The following SMTNL2 variants were observed in gnomAD, a reference collection of about 807,000 sequenced individuals.
The protein encoded by SMTNL2 is smoothelin like 2, also known as smoothelin-like protein 2.
Under a neutral mutation model 44.1 loss-of-function variants are expected in SMTNL2, and 43 were observed. That is an observed-to-expected ratio of 0.98 (90% confidence interval 0.76 to 1.26). The LOEUF (loss-of-function observed/expected upper bound fraction) is 1.26, where lower values mean the gene tolerates loss of function less well. SMTNL2 is among the 50% of genes most tolerant of loss of function. The pLI is 0.00. For synonymous variants in SMTNL2, 317 were observed against 287.6 expected, an observed-to-expected ratio of 1.10 and a Z score of -1.03; for missense variants, 646 against 670.2, an observed-to-expected ratio of 0.96 and a Z score of 0.40.
At position 4,593,097 on chromosome 17, in the gene SMTNL2, T is replaced by C. The variant is rs1299781321; in HGVS notation, c.656T>C (p.Met219Thr). 2 of 1,613,736 alleles carry C rather than the reference T, an allele frequency of 1.2e-6. No individual in the cohort carries two copies. ...ACCTCAGCTGCGGCTCTATCACCCA[T>C]GTCTGCTGCCACCCTGGGGGGCCTC... is the stretch of plus-strand genomic sequence containing the variant. ...GETSAAALSP[M>T]SAATLGGLNP... Residue 219 changes from methionine to threonine, a missense_variant, in exon 3 of 8, where the codon ATG (methionine) becomes ACG (threonine). Met to Thr is a moderately conservative substitution (Grantham distance 81). Transcript: ENST00000389313.
At chr17:4,606,630 C>T (rs866210129) in intron 7 of SMTNL2, among the ~76,000 whole-genome samples, 1 of 151,172 alleles carries the variant, frequency 6.6e-6, no homozygotes, top group South Asian at 2.1e-4. Context: ...CTGGGCCGGG[C>T]GTGGTGTCTC....
chr17:4,605,800 C>T (rs1477633073), intron 7 of SMTNL2, among the ~76,000 whole-genome samples: 1 of 151,450 alleles, frequency 6.6e-6, no homozygotes, highest in Non-Finnish European at 1.5e-5. Context: ...TAATGTCAGG[C>T]CGGCTCCATC....
At chr17:4,606,876 C>T (rs1910299812) in intron 7 of SMTNL2, among the ~76,000 whole-genome samples, 1 of 152,102 alleles carries the variant, frequency 6.6e-6, no homozygotes, top group Admixed American at 6.6e-5. Context: ...TGCCACTGCG[C>T]TCCAGCCTGG....
chr17:4,604,420 G>A (rs573436715), intron 7 of SMTNL2, among the ~76,000 whole-genome samples: 5 of 152,318 alleles, frequency 3.3e-5, no homozygotes, highest in South Asian at 4.1e-4. Flanking sequence ...GAGGCCTGGC[G>A]TCCAGCCAGC....
Position 4,597,620 on chromosome 17 carries a change from C to G in SMTNL2, c.1259+297C>G, listed in dbSNP as rs564453822. Reference sequence around the variant, plus strand: ...GCACTCTGGGAGACCAGCCACAGACCAGGCATGAAGGGCAGCAGGACAGGG... The same window carrying G: ...GCACTCTGGGAGACCAGCCACAGACGAGGCATGAAGGGCAGCAGGACAGGG... On this transcript the variant is annotated intron_variant, in intron 7 of 7. Transcript: ENST00000389313. 7.9e-5 allele frequency among the ~76,000 whole-genome samples: 12 copies of G among 152,252 alleles called. No homozygotes were observed. The East Asian group carries it at 2.3e-3, about 29-fold the overall frequency.
In SMTNL2 at chr17:4,607,416, C is replaced by T. The variant is rs1420600438; in HGVS notation, c.1315C>T (p.Arg439Cys). ...IEVEDMMVMGRKPDPMCVFTY... is the reference protein window; with the variant it reads ...IEVEDMMVMGCKPDPMCVFTY... ...AGTGGAGGACATGATGGTGATGGGC[C>T]GCAAGCCGGACCCCATGTGTGTCTT... The change falls in exon 8 of 8, where the codon CGC becomes TGC. Residue 439 changes from arginine (R) to cysteine (C), a missense_variant. Physicochemically the swap from Arg to Cys is radical, Grantham distance 180. Transcript: ENST00000389313. The surrounding 1 kb of genome is among the most constrained non-coding windows in gnomAD (Gnocchi z 4.7). 2.5e-6 allele frequency: 4 copies of T among 1,614,048 alleles called. No homozygotes were observed. The highest frequency in any genetic ancestry group is 2.7e-5 in the African/African-American group (2 of 74,888).
chr17:4,596,470 C>T (rs1240386658), intron 5 of SMTNL2, among the ~76,000 whole-genome samples: 2 of 152,298 alleles, frequency 1.3e-5, no homozygotes, highest in Admixed American at 1.3e-4. Flanking sequence ...GAGGGGAGCT[C>T]AGAAGGAGGA....
At chr17:4,597,042 CT>C (rs1597414642) in intron 6 of SMTNL2, 65 bp downstream of exon 6, 5 of 1,487,212 alleles carry the variant, frequency 3.4e-6, no homozygotes, top group African/African-American at 1.4e-5. Flanking sequence ...AGCGTCGCCC[CT>C]GTCCTTGTTC....
At position 4,593,871 on chromosome 17, in the gene SMTNL2, A is replaced by G. The variant is rs1284990599; in HGVS notation, c.780A>G (p.Ala260=). 1 of 1,614,028 alleles carries G rather than the reference A, an allele frequency of 6.2e-7. No individual in the cohort carries two copies. The highest frequency in any genetic ancestry group is 8.5e-7 in the Non-Finnish European group (1 of 1,179,978). The part of the protein sequence containing the change: ...TWSVPSSGYG[A]VTASKHSNSP... ...CTGTGCCAAGCTCTGGCTATGGGGC[A>G]GTGACAGCAAGCAAACACAGCAATA... The change falls in exon 4 of 8, where the codon GCA becomes GCG. Residue 260 remains alanine, a synonymous_variant. Transcript: ENST00000389313.
intron 7 of SMTNL2, among the ~76,000 whole-genome samples, chr17:4,599,024 C>T (rs958520493): frequency 6.6e-6 from 1 of 152,168 alleles, no homozygotes; most frequent in Non-Finnish European, 1.5e-5. Context: ...GTAACCTGCA[C>T]TTGGTATTGT....
chr17:4,586,940 A>ACGCTGTCCC lies in SMTNL2; in HGVS notation c.399+1936_399+1937insCGCTGTCCC, dbSNP rs1468304888. Among the ~76,000 whole-genome samples the ACGCTGTCCC allele has an allele frequency of 4.8e-4, 73 of 152,242 alleles. No individual in the cohort carries two copies. The East Asian group carries it at 0.014, about 29-fold the overall frequency. Reference sequence around the variant, plus strand: ...GAGGGGACTATGGGAACTCCAGGTGAAGCTGTCCCAGAGCAGGTGGATTCA... The same window carrying ACGCTGTCCC: ...GAGGGGACTATGGGAACTCCAGGTGACGCTGTCCCAGCTGTCCCAGAGCAGGTGGATTCA... On this transcript the variant is annotated intron_variant, in intron 1 of 7. Transcript: ENST00000389313.
intron 5 of SMTNL2, among the ~76,000 whole-genome samples, chr17:4,596,554 CT>C (rs1422564382): frequency 6.6e-6 from 1 of 152,238 alleles, no homozygotes; most frequent in Non-Finnish European, 1.5e-5. Context: ...CCAAGGTCTT[CT>C]GTCTCAGGAT....
rs369073599 is a variant in SMTNL2, at chr17:4,592,979, C to T, written c.538C>T (p.Pro180Ser). 2 of 1,613,918 alleles carry T rather than the reference C, an allele frequency of 1.2e-6. No homozygotes were observed. Among genetic ancestry groups the T allele is most frequent in the South Asian group, 1.1e-5 (1 of 91,078 alleles). The change falls in exon 3 of 8, where the codon CCC (proline) becomes TCC (serine). Residue 180 changes from proline (P) to serine (S), a missense_variant. Physicochemically the swap from Pro to Ser is moderately conservative, Grantham distance 74. Transcript: ENST00000389313. This position sits in a 1 kb window ranked among gnomAD's most constrained non-coding sequence, Gnocchi z 4.5. ...EIAQNFSAPD[P>S]PRPRPVSLSL... The stretch of plus-strand genomic sequence containing the variant: ...TGCCCAAAACTTCTCAGCACCAGAT[C>T]CCCCCAGGCCTCGTCCTGTGAGCCT...
chr17:4,590,404 C>T (rs1567632314), intron 1 of SMTNL2, among the ~76,000 whole-genome samples: 1 of 152,126 alleles, frequency 6.6e-6, no homozygotes, highest in Non-Finnish European at 1.5e-5. Flanking sequence ...GGGCCTCATC[C>T]CAGGGCCCCT....
chr17:4,587,325 C>T (rs1373338280), intron 1 of SMTNL2, among the ~76,000 whole-genome samples: 3 of 152,196 alleles, frequency 2.0e-5, no homozygotes, highest in East Asian at 1.9e-4. Flanking sequence ...GGCTGACCCC[C>T]GAAGCACCAA....
chr17:4,603,510 C>A (rs1458369877), intron 7 of SMTNL2, among the ~76,000 whole-genome samples: 2 of 152,134 alleles, frequency 1.3e-5, no homozygotes, highest in African/African-American at 4.8e-5. Flanking sequence ...AATTGGGTCC[C>A]CTTTCCCTGG....
In SMTNL2 at chr17:4,600,364, C is replaced by A. The variant is rs1909980520; in HGVS notation, c.1259+3041C>A. 6.6e-6 allele frequency among the ~76,000 whole-genome samples: 1 copy of A among 152,094 alleles called. No individual in the cohort carries two copies. The highest frequency in any genetic ancestry group is 1.5e-5 in the Non-Finnish European group (1 of 67,996). ...GGACCACAGAGCTAAGAAAGGCAGC[C>A]TGGGGGCAGGCAGGGTGGGATGAGA... On this transcript the variant is annotated intron_variant, in intron 7 of 7. Transcript: ENST00000389313. The surrounding 1 kb of genome is among the most constrained non-coding windows in gnomAD (Gnocchi z 4.7).
In SMTNL2 at chr17:4,596,881, C is replaced by A. The variant is rs1162126947; in HGVS notation, c.1011C>A (p.Ala337=). ...AAGKGKGEAR[A]RLKRSQSFGV... ...GCAGGGGGAAAGGCGAGGCCCGGGCCAGGCTGAAGCGGTCGCAGAGCTTCG... is the reference window on the plus strand; with the variant it reads ...GCAGGGGGAAAGGCGAGGCCCGGGCAAGGCTGAAGCGGTCGCAGAGCTTCG... Residue 337 remains alanine (A), a synonymous_variant, in exon 6 of 8, where the codon GCC becomes GCA. Transcript: ENST00000389313. The A allele has an allele frequency of 1.3e-6, 2 of 1,499,712 alleles. No homozygotes were observed. Among genetic ancestry groups the A allele is most frequent in the South Asian group, 2.5e-5 (2 of 80,260 alleles). The allele number at this position is 1,499,712 out of a possible 1,614,324, so 92.9% of individuals were successfully genotyped here.
Position 4,592,439 on chromosome 17 carries a change from C to G in SMTNL2, c.478C>G (p.Pro160Ala), listed in dbSNP as rs570988007. 6.2e-7 allele frequency: 1 copy of G among 1,612,816 alleles called. No individual in the cohort carries two copies. The highest frequency in any genetic ancestry group is 1.1e-5 in the South Asian group (1 of 90,996). The change falls in exon 2 of 8, where the codon CCG becomes GCG. Residue 160 changes from proline to alanine, a missense_variant. Coordinates refer to ENST00000389313, the MANE Select transcript of SMTNL2 (RefSeq NM_001114974.2). The surrounding 1 kb of genome is among the most constrained non-coding windows in gnomAD (Gnocchi z 4.5). ...NSCIMENGHQPGAGPGDGPPE... is the reference protein window; with the variant it reads ...NSCIMENGHQAGAGPGDGPPE... ...CTGCATCATGGAAAATGGGCACCAGCCGGGGGCAGGTAGGGCTGACGGCAG... is the reference window on the plus strand; with the variant it reads ...CTGCATCATGGAAAATGGGCACCAGGCGGGGGCAGGTAGGGCTGACGGCAG...
Sources: gnomAD v4.1 joint callset for allele counts (sites outside exome capture counted in the v4.1 genomes callset) on GRCh38, gnomAD v4.1.1 for gene constraint, Gnocchi (gnomAD v3.1) non-coding constraint, MANE v1.5 for transcripts, NCBI Gene and HGNC (gene_info 2026-07-23, HGNC 2026-07-21) for gene names.